Variants in CYTH1 observed in about 807,000 individuals in gnomAD.
CYTH1 encodes cytohesin-1.
Under a neutral mutation model 61.8 loss-of-function variants are expected in CYTH1, and 18 were observed. The ratio of observed to expected loss-of-function variants is 0.29; its 90% CI spans 0.20 to 0.43. CYTH1 has a LOEUF of 0.43. Among genes scored for constraint, CYTH1 ranks in the 20% least tolerant of loss-of-function variants. The pLI is 1.00. For synonymous variants in CYTH1, 174 were observed against 184.3 expected, an observed-to-expected ratio of 0.94 and a Z score of 0.45; for missense variants, 336 against 510.5, an observed-to-expected ratio of 0.66 and a Z score of 3.29.
chr17:78,763,511 TACA>T (rs1345525053), intron 1 of CYTH1, among the ~76,000 whole-genome samples: 2 of 152,156 alleles, frequency 1.3e-5, no homozygotes, highest in African/African-American at 2.4e-5. Flanking sequence ...GAACCCTATA[TACA>T]ACATGTTTGT....
In CYTH1 at chr17:78,676,436, G is replaced by A. The variant is rs555799637; in HGVS notation, c.1119-267C>T. The A allele has an allele frequency of 4.3e-5, 21 of 484,324 alleles. No homozygotes were observed. The South Asian group carries it at 5.3e-4, about 12-fold the overall frequency. The allele number at this position is 484,324 out of a possible 1,614,324, so 30.0% of individuals were successfully genotyped here. A position where few individuals can be genotyped will look rare whatever the true frequency, so the allele number is the denominator to read the frequency against. On this transcript the variant is annotated intron_variant, in intron 13 of 13. Coordinates refer to ENST00000446868, the MANE Select transcript of CYTH1 (RefSeq NM_004762.6). ...AACATAATAATCAATTCACATTTAG[G>A]AACAGAATCATACCACATTCTTACA... is the stretch of plus-strand genomic sequence containing the variant.
chr17:78,701,426 C>G (rs1372176163), intron 6 of CYTH1, among the ~76,000 whole-genome samples: 2 of 151,998 alleles, frequency 1.3e-5, no homozygotes, highest in Non-Finnish European at 2.9e-5. Flanking sequence ...TTTCTAAAAC[C>G]TCAAATATAA....
chr17:78,702,000 T>C (rs2093015358), intron 5 of CYTH1, 122 bp downstream of exon 5: 2 of 859,082 alleles, frequency 2.3e-6, no homozygotes, highest in Admixed American at 2.2e-5. Flanking sequence ...TCAACTCCAG[T>C]GGGGCTACAG....
rs775941917 is a variant in CYTH1 at position 78,698,904 on chromosome 17, G to A, written c.615C>T (p.Val205=). ...ACCTCTCCACAGTGGGCTTATCTTT[G>A]ACATTGGGGTTGTGCAGACTGGTGT... The part of the protein sequence containing the change: ...MLNTSLHNPN[V]KDKPTVERFI... Residue 205 remains valine (V), a synonymous_variant, in exon 8 of 14, where the codon GTC becomes GTT. Transcript: ENST00000446868. 6.2e-7 allele frequency: 1 copy of A among 1,612,132 alleles called. No individual in the cohort carries two copies. The highest frequency in any genetic ancestry group is 1.1e-5 in the South Asian group (1 of 90,622).
At chr17:78,702,363 G>T in intron 4 of CYTH1, 123 bp from the exon 5 acceptor site, 2 of 998,662 alleles carry the variant, frequency 2.0e-6, no homozygotes, top group Non-Finnish European at 3.0e-6. Context: ...CTTGCTAAGT[G>T]ACCTATAAAG....
intron 8 of CYTH1, 60 bp downstream of exon 8, chr17:78,698,760 C>A: frequency 6.7e-7 from 1 of 1,494,900 alleles, no homozygotes; most frequent in Non-Finnish European, 8.9e-7. Context: ...CTACAAAAGA[C>A]GATCCTGTTC....
At chr17:78,708,733 C>T (rs1247887625) in intron 2 of CYTH1, among the ~76,000 whole-genome samples, 1 of 152,228 alleles carries the variant, frequency 6.6e-6, no homozygotes, top group Non-Finnish European at 1.5e-5. Flanking sequence ...CTGATCAAAT[C>T]GGCTGTGCAT....
intron 1 of CYTH1, among the ~76,000 whole-genome samples, chr17:78,757,995 G>C (rs368149296): frequency 6.6e-6 from 1 of 152,118 alleles, no homozygotes; most frequent in African/African-American, 2.4e-5. Context: ...TCATATACTG[G>C]TATGAGGTGT....
intron 1 of CYTH1, among the ~76,000 whole-genome samples, chr17:78,719,793 G>A (rs543870038): frequency 6.6e-6 from 1 of 152,296 alleles, no homozygotes; most frequent in African/African-American, 2.4e-5. Context: ...TAGAGCAGGA[G>A]GCCCAGGTGA....
intron 1 of CYTH1, among the ~76,000 whole-genome samples, chr17:78,776,649 ACT>A (rs1470828027): frequency 7.6e-6 from 1 of 132,038 alleles, no homozygotes; most frequent in Non-Finnish European, 1.6e-5. Context: ...ACAGAGCGAG[ACT>A]CTGTCTCAAA....
rs1188589930 is a variant in CYTH1 at position 78,708,773 on chromosome 17, T to C, written c.106-512A>G. The C allele has an allele frequency of 1.8e-5, 3 of 166,828 alleles. No homozygotes were observed. In the Admixed American group the frequency reaches 1.9e-4, roughly 11 times the overall value. 10.3% of individuals were successfully genotyped at this position (166,828 alleles called of 1,614,324 possible). ...ACCCACCCTCCTCATTCCAGCACAC[T>C]GTTGGTCAGAATGGATGGGCTCTCA... is the stretch of plus-strand genomic sequence containing the variant. On this transcript the variant is annotated intron_variant, in intron 2 of 13. Transcript: ENST00000446868.
chr17:78,760,434 T>C (rs1462067941), intron 1 of CYTH1, among the ~76,000 whole-genome samples: 1 of 47,570 alleles, frequency 2.1e-5, no homozygotes, highest in African/African-American at 8.4e-5. Context: ...TACACATACA[T>C]ATATATATGT....
intron 11 of CYTH1, among the ~76,000 whole-genome samples, chr17:78,684,552 G>A (rs1343482173): frequency 1.3e-5 from 2 of 152,244 alleles, no homozygotes; most frequent in Non-Finnish European, 2.9e-5. Flanking sequence ...AATCACTGTT[G>A]CTGTAAAAAT....
intron 1 of CYTH1, chr17:78,724,045 A>C (rs552225137): frequency 6.6e-6 from 1 of 152,288 alleles, no homozygotes; most frequent in Non-Finnish European, 1.5e-5. Context: ...CGCAGCCACC[A>C]ATGGTTATTT....
chr17:78,681,499 G>A (rs1027050134), intron 11 of CYTH1, among the ~76,000 whole-genome samples: 3 of 151,948 alleles, frequency 2.0e-5, no homozygotes, highest in South Asian at 2.1e-4. Flanking sequence ...TCTGTCCATC[G>A]CCCCACCGCC....
Position 78,713,845 on chromosome 17 carries a change from G to A in CYTH1, c.23-4113C>T, listed in dbSNP as rs192675398. Among the ~76,000 whole-genome samples, 3 of 151,388 alleles carry A rather than the reference G, an allele frequency of 2.0e-5. No homozygotes were observed. The East Asian group carries it at 5.8e-4, about 29-fold the overall frequency. On this transcript the variant is annotated intron_variant, in intron 1 of 13. Transcript: ENST00000446868. ...CATTCTAAACTGGAAACTCTAAATC[G>A]TTGCTTTCTTTTCAGAATCTGAGCA...
At chr17:78,780,088 G>C (rs568256057) in intron 1 of CYTH1, among the ~76,000 whole-genome samples, 1 of 152,364 alleles carries the variant, frequency 6.6e-6, no homozygotes, top group African/African-American at 2.4e-5. Context: ...GGATCTGAGG[G>C]AAATTAAATG....
chr17:78,736,681 C>T (rs1252606217), intron 1 of CYTH1: 4 of 405,276 alleles, frequency 9.9e-6, no homozygotes, highest in African/African-American at 2.1e-5. Context: ...GGGGCTGCGG[C>T]TTTGACTCAC....
chr17:78,713,861 A>G (rs888109516), intron 1 of CYTH1, among the ~76,000 whole-genome samples: 2 of 152,072 alleles, frequency 1.3e-5, no homozygotes, highest in African/African-American at 4.8e-5. Flanking sequence ...TTCTTTTCAG[A>G]ATCTGAGCAC....
Sources: allele counts gnomAD v4.1 joint callset (sites outside exome capture counted in the v4.1 genomes callset), GRCh38; gene constraint gnomAD v4.1.1; transcripts MANE v1.5; gene names NCBI Gene and HGNC (gene_info 2026-07-23, HGNC 2026-07-21).